MRTFA: variants seen among roughly 807,000 people sequenced by gnomAD.
The protein encoded by MRTFA is myocardin-related transcription factor A.
A neutral mutation model predicts 83.5 loss-of-function variants in MRTFA; 20 were observed. That is an observed-to-expected ratio of 0.24 (90% CI 0.17 to 0.35). The LOEUF (loss-of-function observed/expected upper bound fraction) is 0.35. MRTFA is among the 10% of genes least tolerant of loss of function. The pLI is 1.00. For synonymous variants in MRTFA, 659 were observed against 541.2 expected, an observed-to-expected ratio of 1.22 and a Z score of -3.02; for missense variants, 1,200 against 1,224.7, an observed-to-expected ratio of 0.98 and a Z score of 0.30.
intron 3 of MRTFA, among the ~76,000 whole-genome samples, chr22:40,499,502 T>C (rs2054419059): frequency 6.6e-6 from 1 of 152,134 alleles, no homozygotes; most frequent in South Asian, 2.1e-4. Context: ...ACTTGAGTAA[T>C]TATGCCTTCC....
chr22:40,623,161 T>A (rs2056543110), intron 1 of MRTFA, among the ~76,000 whole-genome samples: 1 of 152,214 alleles, frequency 6.6e-6, no homozygotes, highest in Non-Finnish European at 1.5e-5. Context: ...CAGAGTACTA[T>A]GTTCTTATAA....
At chr22:40,415,853 T>C (rs987982063) in intron 14 of MRTFA, among the ~76,000 whole-genome samples, 35 of 152,000 alleles carry the variant, frequency 2.3e-4, no homozygotes, top group African/African-American at 8.2e-4. Flanking sequence ...TCAGCTCCCT[T>C]GGTCACGGCT....
chr22:40,436,495 G>A (rs1474896078), intron 4 of MRTFA, among the ~76,000 whole-genome samples: 1 of 152,154 alleles, frequency 6.6e-6, no homozygotes, highest in Admixed American at 6.5e-5. Context: ...ACCGACAGCT[G>A]AGACGAAGGG....
At position 40,418,447 on chromosome 22, in the gene MRTFA, C is replaced by T; in HGVS notation, c.2291G>A (p.Gly764Glu). 1.9e-6 allele frequency: 3 copies of T among 1,613,986 alleles called. No individual in the cohort carries two copies. Among genetic ancestry groups the T allele is most frequent in the Non-Finnish European group, 2.5e-6 (3 of 1,179,934 alleles). Reference sequence around the variant, plus strand: ...GGTCACGGTGAGGACAAGGTGGGTCCCTGTGGAGTCGGTGATGAGGGTGGG... The same window carrying T: ...GGTCACGGTGAGGACAAGGTGGGTCTCTGTGGAGTCGGTGATGAGGGTGGG... The change falls in exon 12 of 15, where the codon GGG becomes GAG. Residue 764 changes from glycine (G) to glutamate (E), a missense_variant. Gly to Glu is a moderately conservative substitution (Grantham distance 98, BLOSUM62 -2). Around this residue, in one of 2 missense-constraint regions of MRTFA, gnomAD observed 1,107 missense variants for 1,041.8 expected, o/e 1.06. Coordinates refer to ENST00000355630, the MANE Select transcript of MRTFA (RefSeq NM_020831.6).
rs925942172 is a variant in MRTFA, at chr22:40,427,865, G to T, written c.601+1741C>A. The stretch of plus-strand genomic sequence containing the variant: ...GCCATCCACCAACCTCCAGGAAAGT[G>T]GGGGTGGGTATGTAGGACATAGAGT... On this transcript the variant is annotated intron_variant, in intron 7 of 14. Transcript: ENST00000355630. Among the ~76,000 whole-genome samples, 3 of 152,154 alleles carry T rather than the reference G, an allele frequency of 2.0e-5. 1 individual carries two copies. The highest frequency in any genetic ancestry group is 7.2e-5 in the African/African-American group (3 of 41,428).
At chr22:40,482,394 C>G (rs182367427) in intron 3 of MRTFA, among the ~76,000 whole-genome samples, 1 of 152,154 alleles carries the variant, frequency 6.6e-6, no homozygotes, top group Non-Finnish European at 1.5e-5. Context: ...TCATCTCCCC[C>G]CTTGAGGTGA....
Position 40,411,282 on chromosome 22 carries a change from G to A in MRTFA, c.*108C>T. On this transcript the variant is annotated 3_prime_UTR_variant, in exon 15 of 15. Coordinates refer to ENST00000355630, the MANE Select transcript of MRTFA (RefSeq NM_020831.6). ...AGGGAAGGGAAAAAGCAGGGGCTGT[G>A]ATTGTCAAGACTCACAACCATGTGG... is the stretch of plus-strand genomic sequence containing the variant. The A allele has an allele frequency of 4.1e-6, 5 of 1,229,974 alleles. No individual in the cohort carries two copies. Among genetic ancestry groups the A allele is most frequent in the Non-Finnish European group, 5.6e-6 (5 of 895,144 alleles). The allele number at this position is 1,229,974 out of a possible 1,614,324, so 76.2% of individuals were successfully genotyped here.
intron 3 of MRTFA, among the ~76,000 whole-genome samples, chr22:40,539,880 T>C (rs1191166003): frequency 6.6e-6 from 1 of 151,422 alleles, no homozygotes; most frequent in East Asian, 1.9e-4. Context: ...AGTTAAACAA[T>C]CGGTGTTCAA....
chr22:40,418,842 C>A lies in MRTFA; in HGVS notation c.1896G>T (p.Lys632Asn). 6.2e-7 allele frequency: 1 copy of A among 1,612,156 alleles called. No individual in the cohort carries two copies. Among genetic ancestry groups the A allele is most frequent in the South Asian group, 1.1e-5 (1 of 91,074 alleles). The change falls in exon 12 of 15, where the codon AAG becomes AAT. Residue 632 changes from lysine to asparagine, a missense_variant. Transcript: ENST00000355630. ...GCATGCGCGTCAGCGCCTCGATCTG[C>A]TTGTCTTTCTCCTGCAGCATCTGGT...
chr22:40,507,476 T>C (rs1282456172), intron 3 of MRTFA, among the ~76,000 whole-genome samples: 1 of 151,346 alleles, frequency 6.6e-6, no homozygotes, highest in Non-Finnish European at 1.5e-5. Flanking sequence ...CTAAAAAGAA[T>C]ACAAAAAATT....
chr22:40,421,325 C>T (rs2052834425), intron 9 of MRTFA, among the ~76,000 whole-genome samples: 1 of 152,078 alleles, frequency 6.6e-6, no homozygotes, highest in Non-Finnish European at 1.5e-5. Flanking sequence ...TATGCCTGAC[C>T]CCCGACTTAA....
intron 4 of MRTFA, among the ~76,000 whole-genome samples, chr22:40,459,696 A>C (rs2053661931): frequency 6.6e-6 from 1 of 151,070 alleles, no homozygotes; most frequent in African/African-American, 2.4e-5. Flanking sequence ...TCTCATATAC[A>C]CATGCACACA....
intron 2 of MRTFA, chr22:40,587,129 G>T: frequency 2.2e-6 from 1 of 456,002 alleles, no homozygotes; most frequent in Non-Finnish European, 4.5e-6. Context: ...TGGATGTCTG[G>T]GCTTTTCAAG....
chr22:40,531,921 T>C (rs1399189426), intron 3 of MRTFA, among the ~76,000 whole-genome samples: 1 of 152,226 alleles, frequency 6.6e-6, no homozygotes, highest in Non-Finnish European at 1.5e-5. Context: ...AGTTTGCTAT[T>C]ACCCTTTCTA....
intron 2 of MRTFA, among the ~76,000 whole-genome samples, chr22:40,576,566 T>C (rs2055870815): frequency 1.3e-5 from 2 of 152,166 alleles, no homozygotes; most frequent in Admixed American, 1.3e-4. Flanking sequence ...TGGAATTCCT[T>C]AGATTACCCC....
intron 3 of MRTFA, among the ~76,000 whole-genome samples, chr22:40,476,127 G>A (rs922278263): frequency 7.0e-6 from 1 of 142,460 alleles, no homozygotes; most frequent in African/African-American, 2.5e-5. Context: ...CTGGGCGACA[G>A]AGCAAGACTC....
intron 4 of MRTFA, among the ~76,000 whole-genome samples, chr22:40,458,648 A>T (rs2053638606): frequency 1.3e-5 from 2 of 152,178 alleles, no homozygotes; most frequent in Admixed American, 1.3e-4. Context: ...AAAGGAGAAG[A>T]ATTTGATAAA....
In MRTFA at chr22:40,410,668, C is replaced by G. The variant is rs1051535047; in HGVS notation, c.*722G>C. On this transcript the variant is annotated 3_prime_UTR_variant, in exon 15 of 15. Coordinates refer to ENST00000355630, the MANE Select transcript of MRTFA (RefSeq NM_020831.6). ...ACACGTGATGGGTGGGCCTGGGTAG[C>G]TGCATGCCAGACTGGGCACCAGACT... The G allele has an allele frequency of 8.6e-6, 2 of 233,296 alleles. No homozygotes were observed. Among genetic ancestry groups the G allele is most frequent in the Non-Finnish European group, 1.7e-5 (2 of 117,908 alleles). 14.5% of individuals were successfully genotyped at this position (233,296 alleles called of 1,614,324 possible).
At position 40,552,323 on chromosome 22, in the gene MRTFA, GCACAC is replaced by G; in HGVS notation, c.19_23del (p.Val7ProfsTer20). On this transcript the variant is annotated frameshift_variant, in exon 3 of 15. Coordinates refer to ENST00000355630, the MANE Select transcript of MRTFA (RefSeq NM_020831.6). LOFTEE classifies it high-confidence loss of function. ...TCACAGCAATGACGGAAGGGGGCAG[GCACAC>G]CACACTGGAGAAATCCACTTTGGCT... 2.5e-6 allele frequency: 1 copy of G among 399,058 alleles called. No individual in the cohort carries two copies. Among genetic ancestry groups the G allele is most frequent in the Non-Finnish European group, 4.4e-6 (1 of 226,062 alleles). The allele number at this position is 399,058 out of a possible 1,614,324, so 24.7% of individuals were successfully genotyped here. A position where few individuals can be genotyped will look rare whatever the true frequency, so the allele number is the denominator to read the frequency against.
Sources: allele counts gnomAD v4.1 joint callset (sites outside exome capture counted in the v4.1 genomes callset), GRCh38; gene constraint gnomAD v4.1.1; regional missense constraint gnomAD v4.1.1; transcripts MANE v1.5; gene names NCBI Gene and HGNC (gene_info 2026-07-23, HGNC 2026-07-21).